The following ATXN10 variants were observed in gnomAD, a reference collection of about 807,000 sequenced individuals.
The protein encoded by ATXN10 is ataxin-10.
ATXN10 carries 28 observed loss-of-function variants against 52.9 expected under a neutral mutation model. The observed-to-expected ratio is 0.53, with a 90% CI of 0.39 to 0.73. ATXN10 has a LOEUF of 0.73. ATXN10 is among the 30% of genes least tolerant of loss of function. The probability of loss-of-function intolerance (pLI) is 0.00; values close to 1 mark genes in which losing one functional copy is unlikely to be tolerated. For missense variants in ATXN10, 565 were observed against 577.0 expected (o/e 0.98, Z 0.21); for synonymous variants, 226 against 221.5 (o/e 1.02, Z -0.18).
At position 45,833,808 on chromosome 22, in the gene ATXN10, C is replaced by CA. The variant is rs1929070409; in HGVS notation, c.1238-9183_1238-9182insA. ...CAACCCGGAAGAAGAACTGCTCTGC[C>CA]CTCCAGAGGTCTCTCTGGATGGACT... On this transcript the variant is annotated intron_variant, in intron 10 of 11. Transcript: ENST00000252934. The surrounding 1 kb of genome is among the most constrained non-coding windows in gnomAD (Gnocchi z 4.3). Among the ~76,000 whole-genome samples, 7 of 152,138 alleles carry CA rather than the reference C, an allele frequency of 4.6e-5. No individual in the cohort carries two copies. The highest frequency in any genetic ancestry group is 4.6e-4 in the Admixed American group (7 of 15,278).
In ATXN10 at chr22:45,678,846, T is replaced by C. The variant is rs1922802938; in HGVS notation, c.116+6667T>C. The C allele has an allele frequency of 6.6e-6, 1 of 152,258 alleles. No individual in the cohort carries two copies. Among genetic ancestry groups the C allele is most frequent in the Non-Finnish European group, 1.5e-5 (1 of 68,036 alleles). 9.4% of individuals were successfully genotyped at this position (152,258 alleles called of 1,614,324 possible). ...GATTGATAGGATAAAATTAACTATG[T>C]GTAGCTTACTTTGAACTACTGACAT... is the stretch of plus-strand genomic sequence containing the variant. On this transcript the variant is annotated intron_variant, in intron 1 of 11. Transcript: ENST00000252934. The surrounding 1 kb of genome is among the most constrained non-coding windows in gnomAD (Gnocchi z 4.1).
rs1247405070 is a variant in ATXN10 at position 45,833,413 on chromosome 22, T to A, written c.1238-9578T>A. ...CCTTGACTCCTCAGGGCCTGCTGGG[T>A]CTTGTCTGTTCTAAATCGCCAGAAG... On this transcript the variant is annotated intron_variant, in intron 10 of 11. Coordinates refer to ENST00000252934, the MANE Select transcript of ATXN10 (RefSeq NM_013236.4). The surrounding 1 kb of genome is among the most constrained non-coding windows in gnomAD (Gnocchi z 4.3). Among the ~76,000 whole-genome samples, 1 of 152,174 alleles carries A rather than the reference T, an allele frequency of 6.6e-6. No homozygotes were observed. The highest frequency in any genetic ancestry group is 1.5e-5 in the Non-Finnish European group (1 of 68,030).
chr22:45,711,365 T>C (rs1924242482), intron 5 of ATXN10, among the ~76,000 whole-genome samples: 1 of 151,960 alleles, frequency 6.6e-6, no homozygotes, highest in Admixed American at 6.6e-5. Flanking sequence ...TTGTCGGGGA[T>C]TGAGGAAGGA....
chr22:45,843,190 C>T lies in ATXN10; in HGVS notation c.1425+12C>T, dbSNP rs368863100. On this transcript the variant is annotated intron_variant, in intron 11 of 11. Coordinates refer to ENST00000252934, the MANE Select transcript of ATXN10 (RefSeq NM_013236.4). The surrounding 1 kb of genome is among the most constrained non-coding windows in gnomAD (Gnocchi z 4.5). ...ACACCCCTAAGCCAGTAAGTACCCTCGAGGGAACTGTCCTTCCCTTTGGTT... is the reference window on the plus strand; with the variant it reads ...ACACCCCTAAGCCAGTAAGTACCCTTGAGGGAACTGTCCTTCCCTTTGGTT... The T allele has an allele frequency of 4.3e-6, 7 of 1,613,620 alleles. No homozygotes were observed. Among genetic ancestry groups the T allele is most frequent in the South Asian group, 2.2e-5 (2 of 91,050 alleles).
chr22:45,831,704 A>T (rs892999256), intron 10 of ATXN10, among the ~76,000 whole-genome samples: 3 of 152,266 alleles, frequency 2.0e-5, no homozygotes, highest in Non-Finnish European at 4.4e-5. Context: ...TGGAACAGCA[A>T]TGCAATTTGA....
intron 4 of ATXN10, 75 bp from the exon 5 acceptor site, chr22:45,702,614 A>G: frequency 1.4e-6 from 2 of 1,398,324 alleles, no homozygotes; most frequent in Non-Finnish European, 2.0e-6. Flanking sequence ...TGAATTTGAC[A>G]ATGGTATTAC....
Position 45,790,012 on chromosome 22 carries a change from T to G in ATXN10, c.1174-16947T>G, listed in dbSNP as rs141155048. On this transcript the variant is annotated intron_variant, in intron 9 of 11. Coordinates refer to ENST00000252934, the MANE Select transcript of ATXN10 (RefSeq NM_013236.4). This position sits in a 1 kb window ranked among gnomAD's most constrained non-coding sequence, Gnocchi z 4.7. ...ATAATAGAATGCCCATAAGAGACAC[T>G]CCATATTTGAATATTAATTCTATCT... 1.4e-3 allele frequency among the ~76,000 whole-genome samples: 209 copies of G among 152,302 alleles called. 1 individual carries two copies. The highest frequency in any genetic ancestry group is 6.8e-3 in the Middle Eastern group (2 of 294).
rs1040295284 is a variant in ATXN10 at position 45,733,727 on chromosome 22, G to C, written c.894+4137G>C. Among the ~76,000 whole-genome samples the C allele has an allele frequency of 4.0e-5, 6 of 151,310 alleles. No homozygotes were observed. The highest frequency in any genetic ancestry group is 8.8e-5 in the Non-Finnish European group (6 of 67,910). ...ACTGAGATTGTGCCATTGCACTTCA[G>C]CCTGGGCGACAGAGCAAGACTCCCA... On this transcript the variant is annotated intron_variant, in intron 7 of 11. Transcript: ENST00000252934. The surrounding 1 kb of genome is among the most constrained non-coding windows in gnomAD (Gnocchi z 4.4).
intron 9 of ATXN10, among the ~76,000 whole-genome samples, chr22:45,799,266 C>T (rs1287230351): frequency 1.3e-5 from 2 of 152,100 alleles, no homozygotes; most frequent in East Asian, 3.9e-4. Flanking sequence ...AATTGATGAG[C>T]TGGTTTTAAA....
rs931308120 is a variant in ATXN10 at position 45,842,806 on chromosome 22, G to A, written c.1238-185G>A. 1.1e-4 allele frequency among the ~76,000 whole-genome samples: 16 copies of A among 152,168 alleles called. No homozygotes were observed. Among genetic ancestry groups the A allele is most frequent in the Admixed American group, 1.0e-3 (16 of 15,288 alleles). ...GCTGGATGTACATGTGCATATGCCT[G>A]CGTTGCCTCTTTTTAATGTGTTTGC... On this transcript the variant is annotated intron_variant, in intron 10 of 11. Transcript: ENST00000252934. This position sits in a 1 kb window ranked among gnomAD's most constrained non-coding sequence, Gnocchi z 4.8.
In ATXN10 at chr22:45,718,268, T is replaced by C. The variant is rs1924519518; in HGVS notation, c.648-145T>C. 1 of 739,516 alleles carries C rather than the reference T, an allele frequency of 1.4e-6. No individual in the cohort carries two copies. The highest frequency in any genetic ancestry group is 1.5e-5 in the South Asian group (1 of 66,064). The allele number at this position is 739,516 out of a possible 1,614,324, so 45.8% of individuals were successfully genotyped here. On this transcript the variant is annotated intron_variant, in intron 5 of 11. Coordinates refer to ENST00000252934, the MANE Select transcript of ATXN10 (RefSeq NM_013236.4). The surrounding 1 kb of genome is among the most constrained non-coding windows in gnomAD (Gnocchi z 4.4). ...CTGATAGATTAATAGTATGTGAACC[T>C]TTTAAGACATTTAAGATTACAGCAA... is the stretch of plus-strand genomic sequence containing the variant.
intron 7 of ATXN10, among the ~76,000 whole-genome samples, chr22:45,738,090 A>G (rs1030283666): frequency 2.6e-5 from 4 of 152,218 alleles, no homozygotes; most frequent in African/African-American, 9.7e-5. Context: ...TGTATAGACT[A>G]CTTAATGCTA....
Position 45,784,449 on chromosome 22 carries a change from G to C in ATXN10, c.1174-22510G>C, listed in dbSNP as rs955450227. ...CACAGCTTCTAAGACATATGATCTT[G>C]ATTCGTAAGACATAGTCCCCTAATT... is the stretch of plus-strand genomic sequence containing the variant. On this transcript the variant is annotated intron_variant, in intron 9 of 11. Coordinates refer to ENST00000252934, the MANE Select transcript of ATXN10 (RefSeq NM_013236.4). The surrounding 1 kb of genome is among the most constrained non-coding windows in gnomAD (Gnocchi z 4.2). 6.6e-6 allele frequency among the ~76,000 whole-genome samples: 1 copy of C among 152,150 alleles called. No homozygotes were observed. Among genetic ancestry groups the C allele is most frequent in the East Asian group, 1.9e-4 (1 of 5,184 alleles).
chr22:45,808,662 C>A lies in ATXN10; in HGVS notation c.1237+1640C>A, dbSNP rs116348270. ...TGTAGATGATGAAATAAAACTGAGT[C>A]TCTAGCTTGCCCAGAGGTCAGAACC... On this transcript the variant is annotated intron_variant, in intron 10 of 11. Coordinates refer to ENST00000252934, the MANE Select transcript of ATXN10 (RefSeq NM_013236.4). 3.6e-3 allele frequency among the ~76,000 whole-genome samples: 544 copies of A among 152,308 alleles called. 7 individuals are homozygous for A. The highest frequency in any genetic ancestry group is 0.012 in the African/African-American group (518 of 41,568).
At chr22:45,751,689 G>T (rs1052555413) in intron 9 of ATXN10, among the ~76,000 whole-genome samples, 2 of 144,274 alleles carry the variant, frequency 1.4e-5, no homozygotes, top group Non-Finnish European at 3.0e-5. Flanking sequence ...TTGGTTAAAT[G>T]AGAAAAGTGC....
chr22:45,796,914 TAAGA>T (rs1569068796), intron 9 of ATXN10, among the ~76,000 whole-genome samples: 1 of 152,164 alleles, frequency 6.6e-6, no homozygotes, highest in Admixed American at 6.5e-5. Context: ...TAAACACTTA[TAAGA>T]AAGCTGGAGT....
At position 45,786,540 on chromosome 22, in the gene ATXN10, G is replaced by A. The variant is rs372406070; in HGVS notation, c.1174-20419G>A. Among the ~76,000 whole-genome samples, 11 of 152,336 alleles carry A rather than the reference G, an allele frequency of 7.2e-5. No homozygotes were observed. In the South Asian group the frequency reaches 1.9e-3, roughly 26 times the overall value. ...CTTCCTGCCAGGGCATTGCTCCCTG[G>A]TCGGAAGGATTGTTGGTTCTTCCTT... is the stretch of plus-strand genomic sequence containing the variant. On this transcript the variant is annotated intron_variant, in intron 9 of 11. Transcript: ENST00000252934. The surrounding 1 kb of genome is among the most constrained non-coding windows in gnomAD (Gnocchi z 4.1).
At position 45,754,870 on chromosome 22, in the gene ATXN10, C is replaced by T. The variant is rs1926118383; in HGVS notation, c.1173+14332C>T. 6.6e-6 allele frequency among the ~76,000 whole-genome samples: 1 copy of T among 152,152 alleles called. No individual in the cohort carries two copies. On this transcript the variant is annotated intron_variant, in intron 9 of 11. Transcript: ENST00000252934. The surrounding 1 kb of genome is among the most constrained non-coding windows in gnomAD (Gnocchi z 5.4). Reference sequence around the variant, plus strand: ...ACTCTGTCTCAAAAAATGTCTTGGCCCTCCTTGCAACAGGCTCTTGGGCAG... The same window carrying T: ...ACTCTGTCTCAAAAAATGTCTTGGCTCTCCTTGCAACAGGCTCTTGGGCAG...
Position 45,826,229 on chromosome 22 carries a change from A to G in ATXN10, c.1238-16762A>G, listed in dbSNP as rs577235026. Among the ~76,000 whole-genome samples, 9 of 152,330 alleles carry G rather than the reference A, an allele frequency of 5.9e-5. No homozygotes were observed. Among genetic ancestry groups the G allele is most frequent in the African/African-American group, 1.9e-4 (8 of 41,566 alleles). On this transcript the variant is annotated intron_variant, in intron 10 of 11. Transcript: ENST00000252934. This position sits in a 1 kb window ranked among gnomAD's most constrained non-coding sequence, Gnocchi z 5.0. ...AGATTTGAGCAGGGAGAAGGAAGCT[A>G]GGACAATGGAAAATATTAAGTCCAA...
Sources: gnomAD v4.1 joint callset for allele counts (sites outside exome capture counted in the v4.1 genomes callset) on GRCh38, gnomAD v4.1.1 for gene constraint, Gnocchi (gnomAD v3.1) non-coding constraint, MANE v1.5 for transcripts, NCBI Gene and HGNC (gene_info 2026-07-23, HGNC 2026-07-21) for gene names.